Variants in IGF2BP1 observed in about 807,000 individuals in gnomAD.
The protein encoded by IGF2BP1 is insulin like growth factor 2 mRNA binding protein 1, also known as insulin-like growth factor 2 mRNA-binding protein 1.
IGF2BP1 carries 11 observed loss-of-function variants against 74.9 expected under a neutral mutation model. That is an observed-to-expected ratio of 0.15 (90% CI 0.09 to 0.24). The LOEUF is 0.24. IGF2BP1 is among the 10% of genes least tolerant of loss of function. IGF2BP1 has a pLI of 1.00. For synonymous variants in IGF2BP1, 287 were observed against 281.8 expected, an observed-to-expected ratio of 1.02 and a Z score of -0.18; for missense variants, 440 against 757.4, an observed-to-expected ratio of 0.58 and a Z score of 4.92.
chr17:49,012,652 C>T (rs2041634952), intron 2 of IGF2BP1: 1 of 152,216 alleles, frequency 6.6e-6, no homozygotes, highest in African/African-American at 2.4e-5. Context: ...CCTCCTCCTC[C>T]TCCCTCCTCC....
chr17:49,006,466 G>C (rs567111985), intron 2 of IGF2BP1, among the ~76,000 whole-genome samples: 1 of 152,304 alleles, frequency 6.6e-6, no homozygotes, highest in South Asian at 2.1e-4. Flanking sequence ...CCTAATAGTA[G>C]TACACAATAG....
intron 2 of IGF2BP1, among the ~76,000 whole-genome samples, chr17:49,005,992 G>T (rs775899796): frequency 1.3e-5 from 2 of 152,094 alleles, no homozygotes; most frequent in Non-Finnish European, 2.9e-5. Context: ...AATCTGAGAG[G>T]TGGAGGTTGC....
intron 14 of IGF2BP1, among the ~76,000 whole-genome samples, 186 bp from the exon 15 acceptor site, chr17:49,049,166 C>T (rs1026216435): frequency 3.3e-5 from 5 of 152,174 alleles, no homozygotes; most frequent in Non-Finnish European, 7.3e-5. Context: ...AGGGGATACT[C>T]AGGCTCCACT....
At chr17:48,999,047 C>A in intron 1 of IGF2BP1, 62 bp from the exon 2 acceptor site, 1 of 1,010,278 alleles carries the variant, frequency 9.9e-7, no homozygotes, top group Admixed American at 1.8e-5. Flanking sequence ...TTTTCCCCTT[C>A]CTCTTCCCAC....
rs1035336696 is a variant in IGF2BP1, at chr17:49,055,514, G to A, written c.*6070G>A. On this transcript the variant is annotated 3_prime_UTR_variant, in exon 15 of 15. Coordinates refer to ENST00000290341, the MANE Select transcript of IGF2BP1 (RefSeq NM_006546.4). Reference sequence around the variant, plus strand: ...GCTTAAATCTTGACTGGCACTTCCCGGCTGTGGGGGCTGGGGAGCCACTTG... The same window carrying A: ...GCTTAAATCTTGACTGGCACTTCCCAGCTGTGGGGGCTGGGGAGCCACTTG... 11 of 394,042 alleles carry A rather than the reference G, an allele frequency of 2.8e-5. No homozygotes were observed. Among genetic ancestry groups the A allele is most frequent in the Non-Finnish European group, 4.5e-5 (10 of 223,740 alleles). The allele number at this position is 394,042 out of a possible 1,614,324, so 24.4% of individuals were successfully genotyped here. A position where few individuals can be genotyped will look rare whatever the true frequency, so the allele number is the denominator to read the frequency against.
intron 2 of IGF2BP1, among the ~76,000 whole-genome samples, chr17:49,023,245 C>T (rs930747584): frequency 3.9e-5 from 6 of 152,202 alleles, no homozygotes; most frequent in Non-Finnish European, 5.9e-5. Flanking sequence ...CTATTTTGTC[C>T]TGCTATAATC....
intron 3 of IGF2BP1, 95 bp downstream of exon 3, chr17:49,025,761 TCTGGGGCCAGGCTAGGGAGGC>T: frequency 2.6e-6 from 3 of 1,151,250 alleles, no homozygotes; most frequent in Non-Finnish European, 2.6e-6. Context: ...ATTGGGGAGG[TCTGGGGCCAGGCTAGGGAGGC>T]CTGGGTCTCA....
At chr17:49,021,296 G>A (rs1244807426) in intron 2 of IGF2BP1, among the ~76,000 whole-genome samples, 3 of 152,146 alleles carry the variant, frequency 2.0e-5, no homozygotes, top group Non-Finnish European at 4.4e-5. Flanking sequence ...CCTCCCAGGG[G>A]CCCTGCTCCC....
intron 5 of IGF2BP1, chr17:49,036,798 A>C (rs2041994821): frequency 1.3e-5 from 2 of 153,324 alleles, no homozygotes; most frequent in Admixed American, 1.3e-4. Flanking sequence ...AAAAATACAA[A>C]ATTAGCGGGG....
chr17:49,011,306 T>C (rs2041617046), intron 2 of IGF2BP1, among the ~76,000 whole-genome samples: 1 of 152,036 alleles, frequency 6.6e-6, no homozygotes, highest in Admixed American at 6.6e-5. Context: ...CCACTCCTGT[T>C]TATTTCTCTT....
chr17:49,020,427 G>T (rs1481552411), intron 2 of IGF2BP1, among the ~76,000 whole-genome samples: 4 of 152,130 alleles, frequency 2.6e-5, no homozygotes, highest in African/African-American at 9.7e-5. Context: ...CACTAAGGTG[G>T]TATCAACGGA....
At chr17:49,012,937 T>G (rs2041639304) in intron 2 of IGF2BP1, 1 of 151,998 alleles carries the variant, frequency 6.6e-6, no homozygotes, top group Non-Finnish European at 1.5e-5. Context: ...CCCAGTTACG[T>G]TTTTTTCCTG....
In IGF2BP1 at chr17:49,042,391, AG is replaced by A; in HGVS notation, c.1077+15del. 3.7e-6 allele frequency: 6 copies of A among 1,613,982 alleles called. No homozygotes were observed. Among genetic ancestry groups the A allele is most frequent in the Non-Finnish European group, 5.1e-6 (6 of 1,179,924 alleles). ...GCTGCCATGAGCGTGAGTGCTGGGT[AG>A]TACCCTCTGCTTATCCTTTCCTGAG... On this transcript the variant is annotated intron_variant, in intron 9 of 14. Transcript: ENST00000290341.
Position 49,017,391 on chromosome 17 carries a change from A to G in IGF2BP1, c.237-8227A>G, listed in dbSNP as rs189164135. ...GTAGCACAGTGCCCAGCACTGTCCA[A>G]TAGAAATGCAATGTGAGCCATACAT... is the stretch of plus-strand genomic sequence containing the variant. On this transcript the variant is annotated intron_variant, in intron 2 of 14. Transcript: ENST00000290341. Among the ~76,000 whole-genome samples the G allele has an allele frequency of 2.5e-3, 387 of 152,270 alleles. 1 individual carries two copies. Among genetic ancestry groups the G allele is most frequent in the African/African-American group, 8.3e-3 (346 of 41,554 alleles).
chr17:49,037,641 C>T (rs973734613), intron 5 of IGF2BP1, among the ~76,000 whole-genome samples: 2 of 152,184 alleles, frequency 1.3e-5, no homozygotes, highest in African/African-American at 2.4e-5. Flanking sequence ...TTGAATTCTA[C>T]ATGTATACAT....
intron 2 of IGF2BP1, among the ~76,000 whole-genome samples, chr17:49,005,725 A>T (rs771283120): frequency 4.9e-4 from 73 of 148,072 alleles, no homozygotes; most frequent in Non-Finnish European, 8.8e-4. Context: ...AGAACTTCAA[A>T]TTTTTTTTTT....
At chr17:49,030,031 G>A (rs1189434421) in intron 4 of IGF2BP1, among the ~76,000 whole-genome samples, 1 of 151,886 alleles carries the variant, frequency 6.6e-6, no homozygotes, top group African/African-American at 2.4e-5. Context: ...GCATCCTGAG[G>A]CTACAATGGC....
chr17:49,008,130 C>A (rs1018290169), intron 2 of IGF2BP1, among the ~76,000 whole-genome samples: 1 of 151,290 alleles, frequency 6.6e-6, no homozygotes, highest in African/African-American at 2.4e-5. Context: ...AGAGATTGTG[C>A]CATTGCAGTC....
At chr17:49,020,218 A>G (rs1195032045) in intron 2 of IGF2BP1, among the ~76,000 whole-genome samples, 2 of 151,408 alleles carry the variant, frequency 1.3e-5, no homozygotes, top group Non-Finnish European at 2.9e-5. Flanking sequence ...TAATTTTTGT[A>G]TTTTTAGTAG....
Sources: gnomAD v4.1 joint callset for allele counts (sites outside exome capture counted in the v4.1 genomes callset) on GRCh38, gnomAD v4.1.1 for gene constraint, MANE v1.5 for transcripts, NCBI Gene and HGNC (gene_info 2026-07-23, HGNC 2026-07-21) for gene names.